Variants in GPR139 observed in about 807,000 individuals in gnomAD.
GPR139 encodes G protein-coupled receptor 139.
A neutral mutation model predicts 25.8 loss-of-function variants in GPR139; 12 were observed. The observed-to-expected ratio is 0.47, with a 90% CI of 0.30 to 0.75. GPR139 has a LOEUF of 0.75. Ranked by LOEUF, GPR139 falls within the 30% of genes least tolerant of loss-of-function variation. GPR139 has a pLI of 0.07. For synonymous variants in GPR139, 184 were observed against 179.9 expected (o/e 1.02, Z -0.18); for missense variants, 380 against 450.2 (o/e 0.84, Z 1.41).
At chr16:20,049,728 G>A (rs1476122117) in intron 1 of GPR139, among the ~76,000 whole-genome samples, 1 of 152,184 alleles carries the variant, frequency 6.6e-6, no homozygotes, top group African/African-American at 2.4e-5. Flanking sequence ...CTAGTCTTGT[G>A]ACTGTGGCTA....
chr16:20,070,492 T>G (rs2057455911), intron 1 of GPR139, among the ~76,000 whole-genome samples: 1 of 152,156 alleles, frequency 6.6e-6, no homozygotes, highest in East Asian at 1.9e-4. Flanking sequence ...TATTTCACAT[T>G]AGAATTTCTT....
chr16:20,044,965 G>A (rs551746084), intron 1 of GPR139, among the ~76,000 whole-genome samples: 1 of 150,044 alleles, frequency 6.7e-6, no homozygotes. Flanking sequence ...ACTGTATTTG[G>A]CTCACTTGCC....
Position 20,073,519 on chromosome 16 carries a change from T to C in GPR139, c.98A>G (p.Tyr33Cys). 1.2e-6 allele frequency: 2 copies of C among 1,610,988 alleles called. No individual in the cohort carries two copies. The highest frequency in any genetic ancestry group is 1.7e-6 in the Non-Finnish European group (2 of 1,178,874). ...CGLGFVPVVY[Y>C]SLLLCLGLPA... The stretch of plus-strand genomic sequence containing the variant: ...TAAACCGAGGCACAGCAAGAGGCTG[T>C]AGTAGACCACGGGCACGAAACCCAA... Residue 33 changes from tyrosine to cysteine, a missense_variant, in exon 1 of 2, where the codon TAC becomes TGC. Tyr to Cys is a radical substitution (Grantham distance 194). Transcript: ENST00000570682. This position sits in a 1 kb window ranked among gnomAD's most constrained non-coding sequence, Gnocchi z 4.7.
chr16:20,038,329 ATGTGTGTGTGTGTGTGTG>A (rs1555465698), intron 1 of GPR139, among the ~76,000 whole-genome samples: 2 of 95,824 alleles, frequency 2.1e-5, no homozygotes, highest in African/African-American at 6.5e-5. Context: ...TAATATATAT[ATGTGTGTGTGTGTGTGTG>A]TGTGTGTGTG....
At chr16:20,038,329 ATGTGTG>A (rs1555465698) in intron 1 of GPR139, among the ~76,000 whole-genome samples, 1,581 of 95,930 alleles carry the variant, frequency 0.016, 16 homozygotes, top group South Asian at 0.046. Flanking sequence ...TAATATATAT[ATGTGTG>A]TGTGTGTGTG....
intron 1 of GPR139, among the ~76,000 whole-genome samples, chr16:20,072,703 T>C (rs2141218039): frequency 6.6e-6 from 1 of 152,176 alleles, no homozygotes; most frequent in East Asian, 1.9e-4. Flanking sequence ...AGCCACACTT[T>C]GGAAAGGACA....
intron 1 of GPR139, among the ~76,000 whole-genome samples, chr16:20,072,836 G>A (rs576533343): frequency 1.3e-5 from 2 of 152,312 alleles, no homozygotes; most frequent in South Asian, 4.1e-4. Context: ...TGAGGTGGCA[G>A]CCACCGCAGG....
At chr16:20,052,872 T>C (rs572935276) in intron 1 of GPR139, among the ~76,000 whole-genome samples, 1 of 152,090 alleles carries the variant, frequency 6.6e-6, no homozygotes, top group African/African-American at 2.4e-5. Context: ...ATTATTAATT[T>C]TAAGTTCCAG....
rs755549727 is a variant in GPR139, at chr16:20,032,207, G to C, written c.590C>G (p.Ser197Cys). The change falls in exon 2 of 2, where the codon TCC becomes TGC. Residue 197 changes from serine (S) to cysteine (C), a missense_variant. Ser to Cys is a moderately radical substitution (Grantham distance 112). Transcript: ENST00000570682. ...GATTGAGTTCAAGATGAAGAAGATGGAGCAGGGCACCAGGTAGACGGTGAA... is the reference window on the plus strand; with the variant it reads ...GATTGAGTTCAAGATGAAGAAGATGCAGCAGGGCACCAGGTAGACGGTGAA... Reference protein sequence around the residue: ...HCFTVYLVPCSIFFILNSIIV... With the variant: ...HCFTVYLVPCCIFFILNSIIV... 4.3e-6 allele frequency: 7 copies of C among 1,614,194 alleles called. No individual in the cohort carries two copies. Among genetic ancestry groups the C allele is most frequent in the Non-Finnish European group, 5.9e-6 (7 of 1,180,036 alleles).
intron 1 of GPR139, among the ~76,000 whole-genome samples, chr16:20,045,460 C>T (rs893888412): frequency 5.9e-5 from 9 of 152,160 alleles, no homozygotes; most frequent in African/African-American, 1.9e-4. Context: ...ATTTGTTAGA[C>T]TCTAGAGTGC....
In GPR139 at chr16:20,032,071, G is replaced by T. The variant is rs200992602; in HGVS notation, c.726C>A (p.Ala242=). The change falls in exon 2 of 2, where the codon GCC becomes GCA. Residue 242 remains alanine, a synonymous_variant. Transcript: ENST00000570682. ...TITSIFATLW[A]PRIIMILYHL... ...GGTAAAGAATCATGATGATGCGGGG[G>T]GCCCAAAGTGTGGCAAAGATGGAGG... The T allele has an allele frequency of 6.2e-7, 1 of 1,614,196 alleles. No individual in the cohort carries two copies. Among genetic ancestry groups the T allele is most frequent in the South Asian group, 1.1e-5 (1 of 91,074 alleles).
chr16:20,033,967 A>G (rs551604190), intron 1 of GPR139, among the ~76,000 whole-genome samples: 174 of 149,036 alleles, frequency 1.2e-3, no homozygotes, highest in Admixed American at 2.9e-3. Flanking sequence ...ATACATCTAT[A>G]TAATTTCTGA....
chr16:20,061,221 GGATGTGTGGA>G (rs1353959128), intron 1 of GPR139, among the ~76,000 whole-genome samples: 11 of 144,570 alleles, frequency 7.6e-5, no homozygotes, highest in Admixed American at 2.7e-4. Context: ...ATGGATGGAT[GGATGTGTGGA>G]TGGATGGATG....
chr16:20,050,555 G>A (rs550748586), intron 1 of GPR139, among the ~76,000 whole-genome samples: 40 of 152,264 alleles, frequency 2.6e-4, no homozygotes, highest in African/African-American at 7.5e-4. Flanking sequence ...TATGGCTTCC[G>A]TCCAGTTCAC....
At chr16:20,038,804 A>G (rs114773526) in intron 1 of GPR139, among the ~76,000 whole-genome samples, 2,700 of 152,324 alleles carry the variant, frequency 0.018, 75 homozygotes, top group African/African-American at 0.06. Flanking sequence ...GACATTTGCT[A>G]TAACTCCCCA....
intron 1 of GPR139, among the ~76,000 whole-genome samples, chr16:20,048,964 C>A (rs1292696670): frequency 6.6e-6 from 1 of 152,218 alleles, no homozygotes; most frequent in African/African-American, 2.4e-5. Context: ...ACCTTCCCCA[C>A]CCACAATCCT....
Position 20,029,657 on chromosome 16 carries a change from T to A in GPR139, c.*2078A>T, listed in dbSNP as rs1169107623. On this transcript the variant is annotated 3_prime_UTR_variant, in exon 2 of 2. Coordinates refer to ENST00000570682, the MANE Select transcript of GPR139 (RefSeq NM_001002911.4). ...ATTTAAGGGAGGTGAGGGAATCTGC[T>A]TACCATTCCACTCAATGAGCATACG... Among the ~76,000 whole-genome samples the A allele has an allele frequency of 6.6e-6, 1 of 152,116 alleles. No homozygotes were observed. The highest frequency in any genetic ancestry group is 2.4e-5 in the African/African-American group (1 of 41,432).
chr16:20,041,159 AGGG>A (rs2057330393), intron 1 of GPR139, among the ~76,000 whole-genome samples: 3 of 306 alleles, frequency 9.8e-3, no homozygotes, highest in Admixed American at 0.026. Flanking sequence ...ACGAGAGGGG[AGGG>A]GAGGGGAGGG....
At chr16:20,065,038 C>A (rs1486146211) in intron 1 of GPR139, among the ~76,000 whole-genome samples, 1 of 152,072 alleles carries the variant, frequency 6.6e-6, no homozygotes, top group Admixed American at 6.6e-5. Flanking sequence ...CTCGATCCTC[C>A]CTCTAGATTC....
Sources: gnomAD v4.1 joint callset for allele counts (sites outside exome capture counted in the v4.1 genomes callset) on GRCh38, gnomAD v4.1.1 for gene constraint, Gnocchi (gnomAD v3.1) non-coding constraint, MANE v1.5 for transcripts, NCBI Gene and HGNC (gene_info 2026-07-23, HGNC 2026-07-21) for gene names.